Variants in GRID2 observed in about 807,000 individuals in gnomAD.
The protein encoded by GRID2 is glutamate ionotropic receptor delta type subunit 2.
GRID2 carries 33 observed loss-of-function variants against 114.8 expected under a neutral mutation model. The observed-to-expected ratio is 0.29, with a 90% CI of 0.22 to 0.38. The LOEUF (loss-of-function observed/expected upper bound fraction) is 0.38. Among genes scored for constraint, GRID2 ranks in the 10% least tolerant of loss-of-function variants. The probability of loss-of-function intolerance (pLI) is 1.00; values close to 1 mark genes in which losing one functional copy is unlikely to be tolerated. For missense variants in GRID2, 1,184 were observed against 1,257.7 expected (o/e 0.94, Z 0.89); for synonymous variants, 505 against 449.9 (o/e 1.12, Z -1.55).
chr4:92,808,563 T>A (rs1408406788), intron 2 of GRID2, among the ~76,000 whole-genome samples: 1 of 152,066 alleles, frequency 6.6e-6, no homozygotes, highest in Non-Finnish European at 1.5e-5. Flanking sequence ...GAAGAAACTT[T>A]CAAGTCAAAG....
intron 2 of GRID2, among the ~76,000 whole-genome samples, chr4:92,728,419 A>T (rs1306918106): frequency 6.6e-6 from 1 of 152,068 alleles, no homozygotes; most frequent in African/African-American, 2.4e-5. Context: ...GCATGTGGGA[A>T]ATTGGAGATC....
intron 2 of GRID2, among the ~76,000 whole-genome samples, chr4:93,058,088 C>T (rs1202727212): frequency 2.3e-5 from 2 of 85,854 alleles, no homozygotes; most frequent in African/African-American, 1.1e-4. Flanking sequence ...TTCAGTGAAT[C>T]TTGTGCATTG....
intron 14 of GRID2, among the ~76,000 whole-genome samples, chr4:93,658,282 A>G (rs1723189886): frequency 6.6e-6 from 1 of 152,226 alleles, no homozygotes; most frequent in Non-Finnish European, 1.5e-5. Context: ...TCAAAAATAG[A>G]CAAAGATAAC....
At chr4:93,130,988 A>C (rs1314829504) in intron 4 of GRID2, among the ~76,000 whole-genome samples, 1 of 152,078 alleles carries the variant, frequency 6.6e-6, no homozygotes, top group African/African-American at 2.4e-5. Flanking sequence ...CATTGCATTT[A>C]ATCTTTACAT....
chr4:92,556,623 C>A (rs985217248), intron 1 of GRID2, among the ~76,000 whole-genome samples: 1 of 152,008 alleles, frequency 6.6e-6, no homozygotes, highest in Non-Finnish European at 1.5e-5. Flanking sequence ...CACAAGATTG[C>A]CATCAAGTTG....
intron 14 of GRID2, among the ~76,000 whole-genome samples, chr4:93,638,301 C>CTTTTTTTTTTTTTTTTTTTTTTTTTTTTT (rs1184003180): frequency 1.3e-5 from 1 of 77,318 alleles, no homozygotes; most frequent in African/African-American, 6.8e-5. Flanking sequence ...AAACTTGCAT[C>CTTTTTTTTTTTTTTTTTTTTTTTTTTTTT]TTTTTTTTTT....
chr4:93,410,845 A>G (rs1264300414), intron 9 of GRID2, among the ~76,000 whole-genome samples: 1 of 152,202 alleles, frequency 6.6e-6, no homozygotes, highest in Non-Finnish European at 1.5e-5. Flanking sequence ...GGCCTCCCAA[A>G]GTGCTGGGAT....
intron 2 of GRID2, among the ~76,000 whole-genome samples, chr4:92,785,723 ATCC>A (rs1200609545): frequency 6.6e-6 from 1 of 151,722 alleles, no homozygotes; most frequent in East Asian, 1.9e-4. Context: ...TTTTGATATA[ATCC>A]TCTTAGTGAA....
chr4:93,533,537 CTT>C (rs34014956), intron 13 of GRID2, among the ~76,000 whole-genome samples: 13,720 of 86,580 alleles, frequency 0.16, 761 homozygotes, highest in Middle Eastern at 0.24. Context: ...CCACACCCAG[CTT>C]TTTTTTTTTT....
intron 1 of GRID2, among the ~76,000 whole-genome samples, chr4:92,484,506 A>G (rs982417083): frequency 5.3e-5 from 8 of 152,150 alleles, no homozygotes; most frequent in African/African-American, 9.7e-5. Flanking sequence ...TGGAAGATCA[A>G]TGGTTCCAAA....
intron 2 of GRID2, among the ~76,000 whole-genome samples, chr4:92,950,635 G>C (rs951415746): frequency 6.6e-6 from 1 of 152,012 alleles, no homozygotes. Flanking sequence ...TCTCACAGTG[G>C]TACCAACGAA....
intron 8 of GRID2, among the ~76,000 whole-genome samples, chr4:93,290,844 A>G (rs142281175): frequency 2.7e-5 from 4 of 150,012 alleles, no homozygotes; most frequent in East Asian, 3.9e-4. Flanking sequence ...ATATCTTACC[A>G]TCAAAGGGTT....
chr4:93,659,839 A>G (rs755674038), intron 14 of GRID2, among the ~76,000 whole-genome samples: 7 of 152,188 alleles, frequency 4.6e-5, no homozygotes, highest in African/African-American at 1.7e-4. Flanking sequence ...CGAAAATCTC[A>G]TCAAGATATA....
chr4:93,502,733 C>CCACA lies in GRID2; in HGVS notation c.1997+11976_1997+11979dup, dbSNP rs147212858. Among the ~76,000 whole-genome samples the CCACA allele has an allele frequency of 7.5e-3, 1,065 of 141,184 alleles. 11 individuals are homozygous for CCACA. Among genetic ancestry groups the CCACA allele is most frequent in the African/African-American group, 0.02 (751 of 38,176 alleles). 92.6% of individuals were successfully genotyped at this position (141,184 alleles called of 152,430 possible). A position where few individuals can be genotyped will look rare whatever the true frequency, so the allele number is the denominator to read the frequency against. ...CCCCCCCCCCACACACACACGCACA[C>CCACA]CACACACACACACACACACACACGT... On this transcript the variant is annotated intron_variant, in intron 12 of 15. Coordinates refer to ENST00000282020, the MANE Select transcript of GRID2 (RefSeq NM_001510.4).
intron 13 of GRID2, among the ~76,000 whole-genome samples, chr4:93,592,140 T>G (rs574615365): frequency 6.6e-6 from 1 of 152,194 alleles, no homozygotes; most frequent in East Asian, 1.9e-4. Flanking sequence ...TTCTTTTAAT[T>G]GTGATGTTAG....
chr4:93,604,998 G>T (rs189605157), intron 13 of GRID2, among the ~76,000 whole-genome samples: 21 of 152,238 alleles, frequency 1.4e-4, no homozygotes, highest in Middle Eastern at 3.4e-3. Flanking sequence ...AACTGAACCT[G>T]CAGTATCTCT....
intron 4 of GRID2, among the ~76,000 whole-genome samples, chr4:93,112,573 G>T (rs563385044): frequency 2.6e-5 from 4 of 152,262 alleles, no homozygotes; most frequent in Admixed American, 2.0e-4. Context: ...CAGCCATGTG[G>T]AACTGTGAGA....
chr4:92,702,139 T>G (rs534389346), intron 2 of GRID2, among the ~76,000 whole-genome samples: 2 of 152,140 alleles, frequency 1.3e-5, no homozygotes, highest in African/African-American at 4.8e-5. Context: ...AGTTTCTATC[T>G]ATTTTATTTT....
chr4:93,421,781 T>G (rs982189300), intron 9 of GRID2, among the ~76,000 whole-genome samples: 4 of 152,028 alleles, frequency 2.6e-5, no homozygotes, highest in African/African-American at 9.7e-5. Context: ...TACAGTGTCT[T>G]TGAATAAAAG....
Sources: allele counts gnomAD v4.1 joint callset (sites outside exome capture counted in the v4.1 genomes callset), GRCh38; gene constraint gnomAD v4.1.1; transcripts MANE v1.5; gene names NCBI Gene and HGNC (gene_info 2026-07-23, HGNC 2026-07-21).